The following CSMD3 variants were observed in gnomAD, a reference collection of about 807,000 sequenced individuals.
CSMD3 encodes CUB and sushi domain-containing protein 3.
CSMD3 carries 177 observed loss-of-function variants against 435.2 expected under a neutral mutation model. That is an observed-to-expected ratio of 0.41 (90% CI 0.36 to 0.46). CSMD3 has a LOEUF of 0.46. CSMD3 is among the 20% of genes least tolerant of loss of function. The probability of loss-of-function intolerance (pLI) is 0.34; values close to 1 mark genes in which losing one functional copy is unlikely to be tolerated. For missense variants in CSMD3, 4,265 were observed against 4,504.6 expected (o/e 0.95, Z 1.52); for synonymous variants, 1,656 against 1,520.5 (o/e 1.09, Z -2.07).
chr8:112,234,534 TTTA>T (rs1813394834), intron 67 of CSMD3, 57 bp from the exon 68 acceptor site: 23 of 908,502 alleles, frequency 2.5e-5, no homozygotes, highest in Non-Finnish European at 3.0e-5. Context: ...TATACTTCAT[TTTA>T]TTATCTATCA....
At chr8:112,726,528 G>C (rs535933252) in intron 13 of CSMD3, among the ~76,000 whole-genome samples, 1 of 151,972 alleles carries the variant, frequency 6.6e-6, no homozygotes, top group African/African-American at 2.4e-5. Flanking sequence ...ATATAAAAGA[G>C]AAGATCATAT....
At chr8:112,270,031 T>C (rs1282782345) in intron 59 of CSMD3, among the ~76,000 whole-genome samples, 1 of 152,098 alleles carries the variant, frequency 6.6e-6, no homozygotes, top group East Asian at 1.9e-4. Context: ...ACAATGAGTG[T>C]TGGGAAAAGG....
chr8:112,321,767 C>T (rs190771286), intron 45 of CSMD3, among the ~76,000 whole-genome samples: 30 of 152,162 alleles, frequency 2.0e-4, no homozygotes, highest in African/African-American at 6.7e-4. Flanking sequence ...ACTTGCTGTG[C>T]GTGGATGTTA....
chr8:112,486,138 T>C (rs2130820762), intron 31 of CSMD3, among the ~76,000 whole-genome samples: 1 of 151,868 alleles, frequency 6.6e-6, no homozygotes, highest in Admixed American at 6.6e-5. Flanking sequence ...GGTAGGAATT[T>C]ACATTCTCTT....
chr8:112,711,578 C>A (rs2131921359), intron 13 of CSMD3, among the ~76,000 whole-genome samples: 1 of 152,134 alleles, frequency 6.6e-6, no homozygotes, highest in East Asian at 1.9e-4. Flanking sequence ...ACTACTGGAA[C>A]TCAAAGCTAG....
At chr8:112,817,837 G>A (rs888439181) in intron 12 of CSMD3, among the ~76,000 whole-genome samples, 1 of 152,022 alleles carries the variant, frequency 6.6e-6, no homozygotes, top group South Asian at 2.1e-4. Flanking sequence ...GGCGTATGAT[G>A]TCCAATTACA....
intron 3 of CSMD3, among the ~76,000 whole-genome samples, chr8:113,247,986 T>A (rs1454885728): frequency 6.6e-6 from 1 of 152,036 alleles, no homozygotes; most frequent in Non-Finnish European, 1.5e-5. Flanking sequence ...AGTCAACAAA[T>A]AAGGCAGAAC....
At chr8:112,238,296 TTGA>T (rs1813790581) in intron 66 of CSMD3, among the ~76,000 whole-genome samples, 1 of 152,010 alleles carries the variant, frequency 6.6e-6, no homozygotes, top group Non-Finnish European at 1.5e-5. Context: ...TAACAAGTTA[TTGA>T]TGATTTTTCA....
chr8:113,066,761 C>T (rs1487203526), intron 5 of CSMD3, among the ~76,000 whole-genome samples: 1 of 151,766 alleles, frequency 6.6e-6, no homozygotes, highest in African/African-American at 2.4e-5. Flanking sequence ...GATCTGTTAG[C>T]AAAAGTTCTC....
intron 32 of CSMD3, 22 bp downstream of exon 32, chr8:112,472,569 T>G: frequency 1.6e-6 from 2 of 1,215,332 alleles, no homozygotes; most frequent in Non-Finnish European, 2.5e-6. Context: ...AAATACTACA[T>G]AATGAGTCGA....
chr8:112,334,871 T>C (rs1824413749), intron 45 of CSMD3, among the ~76,000 whole-genome samples: 2 of 152,174 alleles, frequency 1.3e-5, no homozygotes, highest in African/African-American at 4.8e-5. Context: ...GATTCTAGAA[T>C]AGACACAGTT....
At chr8:112,755,928 T>C (rs887818594) in intron 13 of CSMD3, among the ~76,000 whole-genome samples, 8 of 151,608 alleles carry the variant, frequency 5.3e-5, no homozygotes, top group Admixed American at 6.6e-5. Flanking sequence ...TATTTTATTT[T>C]ATTTTATTTT....
chr8:113,300,162 C>CAA (rs34291122), intron 2 of CSMD3, among the ~76,000 whole-genome samples: 41,079 of 116,318 alleles, frequency 0.35, 8,220 homozygotes, highest in Non-Finnish European at 0.49. Flanking sequence ...TCAAAAAAGT[C>CAA]AAAAAAAAAA....
intron 50 of CSMD3, among the ~76,000 whole-genome samples, chr8:112,307,859 A>G (rs2130797489): frequency 6.6e-6 from 1 of 152,266 alleles, no homozygotes; most frequent in Middle Eastern, 3.4e-3. Context: ...TAAATATTAT[A>G]AATGCTATGT....
chr8:113,148,271 C>T (rs1250917488), intron 4 of CSMD3, among the ~76,000 whole-genome samples: 1 of 151,574 alleles, frequency 6.6e-6, no homozygotes, highest in East Asian at 2.0e-4. Context: ...AAAATGCTCT[C>T]TTTATGACCC....
chr8:112,725,333 C>A (rs73700802), intron 13 of CSMD3, among the ~76,000 whole-genome samples: 1,802 of 151,808 alleles, frequency 0.012, 39 homozygotes, highest in African/African-American at 0.041. Flanking sequence ...AGAAGCATTG[C>A]GACTTCAGTT....
chr8:112,789,742 T>C (rs1324564687), intron 13 of CSMD3, among the ~76,000 whole-genome samples: 1 of 152,042 alleles, frequency 6.6e-6, no homozygotes, highest in Non-Finnish European at 1.5e-5. Flanking sequence ...GGATTTTCTA[T>C]AGATGACTTT....
chr8:112,574,020 T>A (rs923079761), intron 23 of CSMD3, among the ~76,000 whole-genome samples: 6 of 151,980 alleles, frequency 3.9e-5, no homozygotes, highest in South Asian at 2.1e-4. Flanking sequence ...CTCTGCAACT[T>A]TCTCAAGATC....
chr8:112,462,212 A>G (rs1036175794), intron 32 of CSMD3, among the ~76,000 whole-genome samples: 5 of 152,248 alleles, frequency 3.3e-5, no homozygotes, highest in Non-Finnish European at 7.3e-5. Context: ...TCATGTCAAA[A>G]TAATCTTCGG....
Sources: gnomAD v4.1 joint callset for allele counts (sites outside exome capture counted in the v4.1 genomes callset) on GRCh38, gnomAD v4.1.1 for gene constraint, MANE v1.5 for transcripts, NCBI Gene and HGNC (gene_info 2026-07-23, HGNC 2026-07-21) for gene names.